Variants in GRIK3 observed in about 807,000 individuals in gnomAD.
The protein encoded by GRIK3 is glutamate ionotropic receptor kainate type subunit 3.
In GRIK3, 29 loss-of-function variants were observed where a neutral mutation model predicts 102.5. The ratio of observed to expected loss-of-function variants is 0.28; its 90% confidence interval spans 0.21 to 0.39. The LOEUF is 0.39. Ranked by LOEUF, GRIK3 falls within the 10% of genes least tolerant of loss-of-function variation. The pLI is 1.00. For synonymous variants in GRIK3, 511 were observed against 504.9 expected, an observed-to-expected ratio of 1.01 and a Z score of -0.16; for missense variants, 908 against 1,252.4, an observed-to-expected ratio of 0.73 and a Z score of 4.15.
At chr1:37,021,735 A>G (rs1027904936) in intron 1 of GRIK3, among the ~76,000 whole-genome samples, 8 of 152,182 alleles carry the variant, frequency 5.3e-5, no homozygotes. Context: ...GCCTGGCCTC[A>G]GGGGAGAGCT....
chr1:37,004,423 A>C (rs918731988), intron 1 of GRIK3, among the ~76,000 whole-genome samples: 1 of 152,314 alleles, frequency 6.6e-6, no homozygotes, highest in East Asian at 1.9e-4. Flanking sequence ...ACCCCAGAAG[A>C]ACCAGGGAGA....
At chr1:37,017,893 G>C (rs747678407) in intron 1 of GRIK3, among the ~76,000 whole-genome samples, 2 of 152,206 alleles carry the variant, frequency 1.3e-5, no homozygotes, top group Non-Finnish European at 2.9e-5. Flanking sequence ...ACAAATGATG[G>C]ATGGGTAATG....
intron 1 of GRIK3, among the ~76,000 whole-genome samples, chr1:36,982,266 G>A (rs1639909127): frequency 6.6e-6 from 1 of 152,304 alleles, no homozygotes; most frequent in East Asian, 1.9e-4. Flanking sequence ...CAGGGCCCCG[G>A]GCTGGCAGCC....
chr1:36,974,424 G>A (rs935095727), intron 1 of GRIK3, among the ~76,000 whole-genome samples: 2 of 152,156 alleles, frequency 1.3e-5, no homozygotes, highest in African/African-American at 4.8e-5. Context: ...TAGCCCAAAG[G>A]TGGAAACAAC....
At chr1:36,923,989 T>C (rs995992382) in intron 1 of GRIK3, among the ~76,000 whole-genome samples, 4 of 151,928 alleles carry the variant, frequency 2.6e-5, no homozygotes, top group Non-Finnish European at 5.9e-5. Context: ...ATCCCAGAGC[T>C]CTACACATGA....
chr1:36,929,508 T>A (rs552786533), intron 1 of GRIK3, among the ~76,000 whole-genome samples: 1 of 152,288 alleles, frequency 6.6e-6, no homozygotes, highest in Admixed American at 6.5e-5. Flanking sequence ...GGACATGAAT[T>A]TCTGGAAATC....
At chr1:36,836,043 C>T (rs532290087) in intron 10 of GRIK3, among the ~76,000 whole-genome samples, 34 of 152,316 alleles carry the variant, frequency 2.2e-4, no homozygotes, top group African/African-American at 8.2e-4. Context: ...TTCCCCTGCC[C>T]TCAACTGCCC....
rs527445590 is a variant in GRIK3, at chr1:37,017,210, G to A, written c.115+16784C>T. 8.5e-3 allele frequency among the ~76,000 whole-genome samples: 1,022 copies of A among 120,372 alleles called. 9 individuals carry two copies. The highest frequency in any genetic ancestry group is 0.013 in the Non-Finnish European group (759 of 56,558). The allele number at this position is 120,372 out of a possible 152,430, so 79.0% of individuals were successfully genotyped here. ...AGCCTGGGACACAGAGTGAGACTTT[G>A]TCTCAAAAAAAAAAAACGAAAAAAA... On this transcript the variant is annotated intron_variant, in intron 1 of 15. Coordinates refer to ENST00000373091, the MANE Select transcript of GRIK3 (RefSeq NM_000831.4).
chr1:36,858,693 G>C (rs753902973), intron 7 of GRIK3, among the ~76,000 whole-genome samples: 1 of 152,148 alleles, frequency 6.6e-6, no homozygotes, highest in Non-Finnish European at 1.5e-5. Flanking sequence ...CACTTTCCAC[G>C]CAATGTCTAA....
At position 36,798,638 on chromosome 1, in the gene GRIK3, CA is replaced by C. The variant is rs1642397281; in HGVS notation, c.*3212del. ...ATCATTTTCAGTGCCCCGGGAGAGA[CA>C]GAGCTCATGCTTGGGCAGCTGTGGT... On this transcript the variant is annotated 3_prime_UTR_variant, in exon 16 of 16. Transcript: ENST00000373091. 6.6e-6 allele frequency: 1 copy of C among 152,260 alleles called. No individual in the cohort carries two copies. The highest frequency in any genetic ancestry group is 1.5e-5 in the Non-Finnish European group (1 of 68,052). 9.4% of individuals were successfully genotyped at this position (152,260 alleles called of 1,614,324 possible).
At chr1:36,951,685 G>A (rs1169708463) in intron 1 of GRIK3, among the ~76,000 whole-genome samples, 1 of 152,194 alleles carries the variant, frequency 6.6e-6, no homozygotes, top group African/African-American at 2.4e-5. Context: ...CTTGGGCAGG[G>A]CAGCAGGAAA....
At chr1:36,990,296 G>A (rs1642351560) in intron 1 of GRIK3, among the ~76,000 whole-genome samples, 1 of 152,178 alleles carries the variant, frequency 6.6e-6, no homozygotes, top group Non-Finnish European at 1.5e-5. Flanking sequence ...CCATCCTGCT[G>A]TATCCGCTGA....
intron 1 of GRIK3, among the ~76,000 whole-genome samples, chr1:36,936,542 C>T (rs771446031): frequency 2.4e-4 from 36 of 152,222 alleles, no homozygotes; most frequent in Non-Finnish European, 4.6e-4. Context: ...GAATGCTTTC[C>T]TGATCTTGCT....
At chr1:36,997,092 AC>A (rs1280871753) in intron 1 of GRIK3, among the ~76,000 whole-genome samples, 1 of 152,118 alleles carries the variant, frequency 6.6e-6, no homozygotes, top group African/African-American at 2.4e-5. Flanking sequence ...GGGAATTGGG[AC>A]CCCAAGGGTT....
intron 1 of GRIK3, among the ~76,000 whole-genome samples, chr1:36,949,870 C>T (rs1189291587): frequency 1.2e-4 from 19 of 152,266 alleles, no homozygotes; most frequent in Admixed American, 6.5e-4. Context: ...TAAGCCACCA[C>T]GCCTGGCCCT....
chr1:36,969,617 T>C (rs374444492), intron 1 of GRIK3, among the ~76,000 whole-genome samples: 10 of 152,288 alleles, frequency 6.6e-5, no homozygotes, highest in African/African-American at 2.4e-4. Context: ...GTACCCTGGG[T>C]GTGCATGATG....
At chr1:36,992,688 T>C (rs1380567885) in intron 1 of GRIK3, among the ~76,000 whole-genome samples, 3 of 152,194 alleles carry the variant, frequency 2.0e-5, no homozygotes, top group Non-Finnish European at 2.9e-5. Context: ...GCAGTACTTA[T>C]AAACATCGTC....
At chr1:36,952,633 G>A (rs773529236) in intron 1 of GRIK3, among the ~76,000 whole-genome samples, 4 of 152,162 alleles carry the variant, frequency 2.6e-5, no homozygotes, top group African/African-American at 4.8e-5. Context: ...GATGGGTGCC[G>A]GGTCAACAGT....
intron 1 of GRIK3, among the ~76,000 whole-genome samples, chr1:36,894,214 T>A (rs1641148324): frequency 6.6e-6 from 1 of 152,226 alleles, no homozygotes; most frequent in Non-Finnish European, 1.5e-5. Flanking sequence ...AATTTACTTT[T>A]TGTCTTTTCT....
Sources: gnomAD v4.1 joint callset for allele counts (sites outside exome capture counted in the v4.1 genomes callset) on GRCh38, gnomAD v4.1.1 for gene constraint, MANE v1.5 for transcripts, NCBI Gene and HGNC (gene_info 2026-07-23, HGNC 2026-07-21) for gene names.